Variants in CNTN5 observed in about 807,000 individuals in gnomAD.
CNTN5 encodes the protein contactin-5.
In CNTN5, 77 loss-of-function variants were observed where a neutral mutation model predicts 129.1. The observed-to-expected ratio is 0.60, with a 90% CI of 0.50 to 0.72. CNTN5 has a LOEUF of 0.72. Among genes scored for constraint, CNTN5 ranks in the 30% least tolerant of loss-of-function variants. CNTN5 has a pLI of 0.00. For synonymous variants in CNTN5, 509 were observed against 465.6 expected (o/e 1.09, Z -1.20); for missense variants, 1,478 against 1,328.8 (o/e 1.11, Z -1.75).
intron 3 of CNTN5, among the ~76,000 whole-genome samples, chr11:99,637,359 G>GA (rs1184825910): frequency 1.3e-5 from 2 of 151,902 alleles, no homozygotes; most frequent in African/African-American, 2.4e-5. Flanking sequence ...GATATCAAAG[G>GA]AAAAAAATTA....
chr11:99,550,323 A>G (rs910655321), intron 2 of CNTN5, among the ~76,000 whole-genome samples: 1 of 152,146 alleles, frequency 6.6e-6, no homozygotes, highest in East Asian at 1.9e-4. Context: ...AAGGAGACAC[A>G]TTCTTCTTTA....
rs1389353051 is a variant in CNTN5 at position 99,684,105 on chromosome 11, C to T, written c.55+127836C>T. 2.6e-5 allele frequency among the ~76,000 whole-genome samples: 4 copies of T among 151,714 alleles called. No individual in the cohort carries two copies. In the East Asian group the frequency reaches 5.8e-4, roughly 22 times the overall value. ...CAACATATTCCCATGCCCCAACCCC[C>T]GTCTGGTAACCACACTTTCACTCCC... is the stretch of plus-strand genomic sequence containing the variant. On this transcript the variant is annotated intron_variant, in intron 3 of 24. Transcript: ENST00000524871.
At chr11:99,521,057 A>C (rs1292020075) in intron 2 of CNTN5, among the ~76,000 whole-genome samples, 2 of 152,156 alleles carry the variant, frequency 1.3e-5, no homozygotes, top group Non-Finnish European at 2.9e-5. Context: ...AATTTAGAAG[A>C]GCCAGAACCA....
intron 1 of CNTN5, among the ~76,000 whole-genome samples, chr11:99,226,515 T>C (rs1388838174): frequency 3.3e-5 from 5 of 152,182 alleles, no homozygotes; most frequent in African/African-American, 1.2e-4. Context: ...GTCTTTCCCT[T>C]ACATATCTAG....
intron 1 of CNTN5, among the ~76,000 whole-genome samples, chr11:99,115,103 G>T (rs542507898): frequency 6.6e-6 from 1 of 152,170 alleles, no homozygotes; most frequent in Non-Finnish European, 1.5e-5. Context: ...CTTTAGATTG[G>T]ACTTCTCAGC....
At chr11:99,556,554 AATATATATATATATATATATATAT>A (rs199758207) in intron 3 of CNTN5, among the ~76,000 whole-genome samples, 12 of 72,332 alleles carry the variant, frequency 1.7e-4, no homozygotes, top group South Asian at 4.6e-4. Context: ...AAGGCTTGGA[AATATATATATATATATATATATAT>A]ATATATATAT....
intron 9 of CNTN5, among the ~76,000 whole-genome samples, chr11:100,059,779 A>G (rs576306485): frequency 1.3e-5 from 2 of 152,338 alleles, no homozygotes; most frequent in Non-Finnish European, 2.9e-5. Context: ...ACAATTTGGC[A>G]GTACTTATTA....
intron 1 of CNTN5, among the ~76,000 whole-genome samples, chr11:99,159,041 AC>A (rs1158189020): frequency 6.6e-6 from 1 of 152,208 alleles, no homozygotes; most frequent in Non-Finnish European, 1.5e-5. Flanking sequence ...CTGTCCACTT[AC>A]TGAAACTGAA....
intron 1 of CNTN5, among the ~76,000 whole-genome samples, chr11:99,187,921 T>G (rs1393313931): frequency 6.6e-6 from 1 of 151,898 alleles, no homozygotes; most frequent in East Asian, 1.9e-4. Context: ...ACTTCTTTTT[T>G]GATCACTTTT....
intron 23 of CNTN5, among the ~76,000 whole-genome samples, chr11:100,348,836 A>G (rs572373090): frequency 6.6e-6 from 1 of 152,164 alleles, no homozygotes; most frequent in South Asian, 2.1e-4. Context: ...AGCATCAAAT[A>G]TATTTCCCGC....
chr11:99,514,218 G>A (rs1345105763), intron 2 of CNTN5, among the ~76,000 whole-genome samples: 3 of 152,050 alleles, frequency 2.0e-5, no homozygotes, highest in Non-Finnish European at 4.4e-5. Context: ...GCAATCTCAT[G>A]ATCAAACTTG....
At chr11:99,182,514 G>A (rs1858129547) in intron 1 of CNTN5, among the ~76,000 whole-genome samples, 1 of 152,052 alleles carries the variant, frequency 6.6e-6, no homozygotes, top group African/African-American at 2.4e-5. Context: ...CCCAAAGTGG[G>A]TAACATCTTA....
chr11:99,580,950 C>A (rs1949561983), intron 3 of CNTN5, among the ~76,000 whole-genome samples: 1 of 146,450 alleles, frequency 6.8e-6, no homozygotes, highest in African/African-American at 2.5e-5. Flanking sequence ...ATCTTTCCTG[C>A]TTTCTCTTGT....
At chr11:99,190,245 T>G (rs1179062176) in intron 1 of CNTN5, among the ~76,000 whole-genome samples, 1 of 151,722 alleles carries the variant, frequency 6.6e-6, no homozygotes, top group Non-Finnish European at 1.5e-5. Flanking sequence ...TCTGTTCTAT[T>G]GTTCTATGAT....
At chr11:99,349,686 AC>A (rs1938155477) in intron 2 of CNTN5, among the ~76,000 whole-genome samples, 1 of 152,170 alleles carries the variant, frequency 6.6e-6, no homozygotes, top group African/African-American at 2.4e-5. Context: ...TGTGAACTAA[AC>A]TTTTAAAGGG....
chr11:100,211,749 G>A (rs911935084), intron 15 of CNTN5, among the ~76,000 whole-genome samples: 1 of 151,896 alleles, frequency 6.6e-6, no homozygotes, highest in East Asian at 1.9e-4. Context: ...CAGTTTGTTT[G>A]TTTTTTTAAC....
At chr11:100,193,233 G>A (rs573727478) in intron 14 of CNTN5, among the ~76,000 whole-genome samples, 1 of 151,778 alleles carries the variant, frequency 6.6e-6, no homozygotes, top group South Asian at 2.1e-4. Flanking sequence ...TTCTAATTAG[G>A]TAGTCTCTTG....
intron 9 of CNTN5, among the ~76,000 whole-genome samples, chr11:100,035,774 G>C (rs1941959914): frequency 6.6e-6 from 1 of 151,720 alleles, no homozygotes; most frequent in Admixed American, 6.6e-5. Flanking sequence ...GTCTTCTTTT[G>C]AGAAGTGTCT....
intron 13 of CNTN5, among the ~76,000 whole-genome samples, chr11:100,158,351 T>G (rs1242419305): frequency 6.6e-6 from 1 of 151,868 alleles, no homozygotes; most frequent in Non-Finnish European, 1.5e-5. Flanking sequence ...AATAATGTAT[T>G]GCATACTTGA....
Sources: gnomAD v4.1 joint callset for allele counts (sites outside exome capture counted in the v4.1 genomes callset) on GRCh38, gnomAD v4.1.1 for gene constraint, MANE v1.5 for transcripts, NCBI Gene and HGNC (gene_info 2026-07-23, HGNC 2026-07-21) for gene names.